UBE2E2: variants seen among roughly 807,000 people sequenced by gnomAD.
The protein encoded by UBE2E2 is ubiquitin-conjugating enzyme E2 E2.
UBE2E2 carries 6 observed loss-of-function variants against 24.7 expected under a neutral mutation model. That is an observed-to-expected ratio of 0.24 (90% CI 0.13 to 0.48). The LOEUF (loss-of-function observed/expected upper bound fraction) is 0.48, where lower values mean the gene tolerates loss of function less well. Among genes scored for constraint, UBE2E2 ranks in the 20% least tolerant of loss-of-function variants. The probability of loss-of-function intolerance (pLI) is 0.99; values close to 1 mark genes in which losing one functional copy is unlikely to be tolerated. For synonymous variants in UBE2E2, 104 were observed against 83.6 expected, an observed-to-expected ratio of 1.24 and a Z score of -1.33; for missense variants, 169 against 245.0, an observed-to-expected ratio of 0.69 and a Z score of 2.07.
chr3:23,568,655 G>A (rs1696141806), intron 5 of UBE2E2, among the ~76,000 whole-genome samples: 2 of 101,830 alleles, frequency 2.0e-5, no homozygotes, highest in Middle Eastern at 5.3e-3. Context: ...GCACATATAT[G>A]TATACATATA....
chr3:23,585,323 A>G (rs1696596498), intron 5 of UBE2E2, among the ~76,000 whole-genome samples: 1 of 147,800 alleles, frequency 6.8e-6, no homozygotes, highest in Non-Finnish European at 1.5e-5. Flanking sequence ...GTGAGCTATG[A>G]TCCCACCACT....
chr3:23,372,854 T>C (rs1696430997), intron 3 of UBE2E2, among the ~76,000 whole-genome samples: 1 of 152,202 alleles, frequency 6.6e-6, no homozygotes, highest in Admixed American at 6.5e-5. Context: ...CTGTTGTGCT[T>C]GTAGCTAGCC....
intron 3 of UBE2E2, among the ~76,000 whole-genome samples, chr3:23,402,331 A>G (rs143698109): frequency 2.3e-4 from 35 of 152,336 alleles, no homozygotes; most frequent in African/African-American, 7.0e-4. Flanking sequence ...ATCTTACGTG[A>G]TAGTCACTAG....
intron 3 of UBE2E2, among the ~76,000 whole-genome samples, chr3:23,310,824 GATA>G (rs1694362400): frequency 6.6e-6 from 1 of 152,166 alleles, no homozygotes; most frequent in African/African-American, 2.4e-5. Context: ...CTAAGGATAA[GATA>G]ATAAGGATGT....
intron 5 of UBE2E2, among the ~76,000 whole-genome samples, chr3:23,574,767 A>G (rs1368061931): frequency 6.6e-6 from 1 of 152,208 alleles, no homozygotes; most frequent in African/African-American, 2.4e-5. Flanking sequence ...AGAAGCAGAC[A>G]TAAGACTTCT....
intron 3 of UBE2E2, among the ~76,000 whole-genome samples, chr3:23,465,518 G>C (rs1575648315): frequency 6.6e-6 from 1 of 152,304 alleles, no homozygotes; most frequent in East Asian, 1.9e-4. Flanking sequence ...TACCTGACTT[G>C]AATGCAAGTG....
intron 5 of UBE2E2, among the ~76,000 whole-genome samples, chr3:23,550,926 C>T (rs1395338421): frequency 6.6e-6 from 1 of 152,110 alleles, no homozygotes; most frequent in East Asian, 1.9e-4. Flanking sequence ...TCCCCTTGAG[C>T]CTTTGGTTAA....
intron 1 of UBE2E2, among the ~76,000 whole-genome samples, chr3:23,204,354 A>G (rs1412287865): frequency 1.3e-5 from 2 of 152,004 alleles, no homozygotes; most frequent in East Asian, 1.9e-4. Context: ...ACCCATTTGC[A>G]TGTTTTCAAG....
At chr3:23,382,493 T>C (rs1390272138) in intron 3 of UBE2E2, among the ~76,000 whole-genome samples, 1 of 152,224 alleles carries the variant, frequency 6.6e-6, no homozygotes, top group Non-Finnish European at 1.5e-5. Flanking sequence ...TACTTTAAAA[T>C]CTTAAACACT....
At chr3:23,586,413 GC>G (rs1678819301) in intron 5 of UBE2E2, among the ~76,000 whole-genome samples, 1 of 152,048 alleles carries the variant, frequency 6.6e-6, no homozygotes, top group Non-Finnish European at 1.5e-5. Flanking sequence ...TCCCACCTCA[GC>G]CTCTCAAGTA....
chr3:23,520,426 T>C (rs939452817), intron 4 of UBE2E2, among the ~76,000 whole-genome samples: 2 of 152,258 alleles, frequency 1.3e-5, no homozygotes, highest in African/African-American at 4.8e-5. Flanking sequence ...TGGTATTTTT[T>C]AACTTTATGG....
intron 1 of UBE2E2, among the ~76,000 whole-genome samples, chr3:23,208,099 A>G (rs1168189174): frequency 2.0e-5 from 3 of 151,764 alleles, no homozygotes; most frequent in Non-Finnish European, 4.4e-5. Flanking sequence ...AGTGGTATCA[A>G]TCATATTTTT....
At chr3:23,347,385 G>A (rs1429319845) in intron 3 of UBE2E2, among the ~76,000 whole-genome samples, 2 of 152,166 alleles carry the variant, frequency 1.3e-5, no homozygotes, top group Non-Finnish European at 2.9e-5. Context: ...AAAAAAGGAT[G>A]AGTTCATGTC....
chr3:23,549,721 C>T (rs1365936544), intron 5 of UBE2E2, among the ~76,000 whole-genome samples: 1 of 152,022 alleles, frequency 6.6e-6, no homozygotes. Flanking sequence ...GTGATGACCT[C>T]GCCTTTGAGA....
chr3:23,258,347 T>C (rs192227583), intron 3 of UBE2E2, among the ~76,000 whole-genome samples: 3 of 152,314 alleles, frequency 2.0e-5, no homozygotes, highest in African/African-American at 7.2e-5. Context: ...GGAAATAGTT[T>C]TGATGGAAGT....
chr3:23,553,782 A>G (rs1695707875), intron 5 of UBE2E2, among the ~76,000 whole-genome samples: 1 of 152,210 alleles, frequency 6.6e-6, no homozygotes, highest in Non-Finnish European at 1.5e-5. Context: ...AAAGAAATCA[A>G]AACAATCCCA....
intron 3 of UBE2E2, among the ~76,000 whole-genome samples, chr3:23,222,840 G>T (rs186135283): frequency 6.6e-6 from 1 of 151,864 alleles, no homozygotes; most frequent in Admixed American, 6.6e-5. Context: ...CAACAACAGT[G>T]TACGAGCCTT....
At chr3:23,357,954 G>T in intron 3 of UBE2E2, among the ~76,000 whole-genome samples, 1 of 152,138 alleles carries the variant, frequency 6.6e-6, no homozygotes, top group Non-Finnish European at 1.5e-5. Context: ...TTCTACCTCA[G>T]CCTTCCAGGT....
chr3:23,281,955 A>G (rs1022322014), intron 3 of UBE2E2, among the ~76,000 whole-genome samples: 2 of 152,196 alleles, frequency 1.3e-5, no homozygotes, highest in Admixed American at 6.5e-5. Context: ...TTTTGAATGC[A>G]ATTTCAGTCT....
Sources: gnomAD v4.1 joint callset for allele counts (sites outside exome capture counted in the v4.1 genomes callset) on GRCh38, gnomAD v4.1.1 for gene constraint, MANE v1.5 for transcripts, NCBI Gene and HGNC (gene_info 2026-07-23, HGNC 2026-07-21) for gene names.